Variants in ANGPT1 observed in about 807,000 individuals in gnomAD.
ANGPT1 encodes angiopoietin-1.
A neutral mutation model predicts 62.2 loss-of-function variants in ANGPT1; 17 were observed. The observed-to-expected ratio is 0.27, with a 90% confidence interval of 0.19 to 0.41. The LOEUF is 0.41. ANGPT1 is among the 10% of genes least tolerant of loss of function. ANGPT1 has a pLI of 1.00. For missense variants in ANGPT1, 478 were observed against 594.9 expected (o/e 0.80, Z 2.04); for synonymous variants, 199 against 198.9 (o/e 1.00, Z 0.00).
chr8:107,472,855 G>A (rs1812399293), intron 1 of ANGPT1, among the ~76,000 whole-genome samples: 2 of 151,924 alleles, frequency 1.3e-5, no homozygotes, highest in Non-Finnish European at 2.9e-5. Context: ...CAGGAAGCAT[G>A]GCAGAGTGTG....
At chr8:107,360,592 A>G (rs1816141709) in intron 1 of ANGPT1, among the ~76,000 whole-genome samples, 1 of 152,120 alleles carries the variant, frequency 6.6e-6, no homozygotes, top group Admixed American at 6.6e-5. Flanking sequence ...CAAGCCTTTA[A>G]CAAGAGTATG....
In ANGPT1 at chr8:107,336,238, G is replaced by C. The variant is rs998263721; in HGVS notation, c.487C>G (p.Leu163Val). The change falls in exon 3 of 9, where the codon CTG becomes GTG. Residue 163 changes from leucine to valine, a missense_variant. Coordinates refer to ENST00000517746, the MANE Select transcript of ANGPT1 (RefSeq NM_001146.5). ...TAGGTGGATAATGAATTCTCCAGCA[G>C]CTGTATCTCAAGTCGAGAAGTTTGA... ...LNQTSRLEIQ[L>V]LENSLSTYKL... 2 of 1,606,516 alleles carry C rather than the reference G, an allele frequency of 1.2e-6. No individual in the cohort carries two copies. The highest frequency in any genetic ancestry group is 8.5e-7 in the Non-Finnish European group (1 of 1,177,470).
intron 1 of ANGPT1, among the ~76,000 whole-genome samples, chr8:107,377,572 T>G (rs747315680): frequency 2.6e-5 from 4 of 152,144 alleles, no homozygotes; most frequent in Non-Finnish European, 5.9e-5. Context: ...TATTTTGATG[T>G]TTGGAGAAGT....
At chr8:107,389,773 C>G (rs1198280261) in intron 1 of ANGPT1, among the ~76,000 whole-genome samples, 1 of 152,056 alleles carries the variant, frequency 6.6e-6, no homozygotes, top group Non-Finnish European at 1.5e-5. Context: ...ATATGTATAG[C>G]ACAGAGTAAA....
chr8:107,315,069 T>C (rs1012730124), intron 4 of ANGPT1, among the ~76,000 whole-genome samples: 4 of 152,144 alleles, frequency 2.6e-5, no homozygotes, highest in African/African-American at 9.7e-5. Flanking sequence ...AGAAAGCAAA[T>C]GCCTCATTTC....
At chr8:107,301,163 T>G (rs1029621492) in intron 5 of ANGPT1, among the ~76,000 whole-genome samples, 1 of 151,988 alleles carries the variant, frequency 6.6e-6, no homozygotes, top group African/African-American at 2.4e-5. Context: ...GTCAAAAAAA[T>G]TCTAAAATTG....
intron 1 of ANGPT1, among the ~76,000 whole-genome samples, chr8:107,387,735 G>A (rs1816758571): frequency 2.6e-5 from 4 of 151,966 alleles, no homozygotes; most frequent in Admixed American, 2.6e-4. Context: ...GATTCTGGCT[G>A]TGCATGCTAT....
chr8:107,337,525 C>T lies in ANGPT1; in HGVS notation c.454-1254G>A, dbSNP rs564218156. On this transcript the variant is annotated intron_variant, in intron 2 of 8. Coordinates refer to ENST00000517746, the MANE Select transcript of ANGPT1 (RefSeq NM_001146.5). ...AATTGTGTCAATGCCCTGTTCCTGA[C>T]TCTTTCTTGTCCTTCCCTCTCTTTA... 1.2e-4 allele frequency among the ~76,000 whole-genome samples: 18 copies of T among 152,336 alleles called. No homozygotes were observed. In the South Asian group the frequency reaches 3.5e-3, roughly 30 times the overall value.
intron 5 of ANGPT1, among the ~76,000 whole-genome samples, chr8:107,296,150 A>G (rs983150081): frequency 1.3e-5 from 2 of 152,160 alleles, no homozygotes; most frequent in Admixed American, 6.6e-5. Flanking sequence ...AATTACTTAA[A>G]TAAGTAAAGA....
At chr8:107,326,149 C>T (rs374023906) in intron 3 of ANGPT1, among the ~76,000 whole-genome samples, 1 of 152,072 alleles carries the variant, frequency 6.6e-6, no homozygotes, top group Admixed American at 6.6e-5. Context: ...TTAGAATAGA[C>T]AGTGCATGTA....
At chr8:107,424,277 A>G (rs1163915051) in intron 1 of ANGPT1, among the ~76,000 whole-genome samples, 1 of 152,192 alleles carries the variant, frequency 6.6e-6, no homozygotes, top group Non-Finnish European at 1.5e-5. Context: ...AGACAATTGG[A>G]AATTCAAATC....
intron 3 of ANGPT1, among the ~76,000 whole-genome samples, chr8:107,324,449 G>A (rs576425882): frequency 2.3e-3 from 356 of 152,180 alleles, no homozygotes; most frequent in South Asian, 0.012. Flanking sequence ...GCTGCCTCAA[G>A]CCAAGGAACT....
intron 1 of ANGPT1, among the ~76,000 whole-genome samples, chr8:107,365,118 C>T (rs1280881586): frequency 2.0e-5 from 3 of 152,048 alleles, no homozygotes; most frequent in Non-Finnish European, 1.5e-5. Flanking sequence ...ATATTGCAAG[C>T]ATTTAAGGTT....
chr8:107,310,079 A>G (rs75809006), intron 4 of ANGPT1, among the ~76,000 whole-genome samples: 5,638 of 152,220 alleles, frequency 0.037, 123 homozygotes, highest in Non-Finnish European at 0.059. Flanking sequence ...TAAATTATTT[A>G]TATGTAATTT....
chr8:107,322,220 G>A (rs993079714), intron 3 of ANGPT1, 92 bp from the exon 4 acceptor site: 8 of 914,790 alleles, frequency 8.7e-6, no homozygotes, highest in Non-Finnish European at 1.3e-5. Flanking sequence ...TATTTAAGAT[G>A]AGAAATTTTA....
At chr8:107,468,519 C>T (rs1251177985) in intron 1 of ANGPT1, among the ~76,000 whole-genome samples, 2 of 151,860 alleles carry the variant, frequency 1.3e-5, no homozygotes, top group Admixed American at 1.3e-4. Context: ...TTTTTTAAGG[C>T]AATTTTATAT....
intron 1 of ANGPT1, among the ~76,000 whole-genome samples, chr8:107,492,557 G>A (rs751916146): frequency 9.9e-5 from 15 of 152,114 alleles, no homozygotes; most frequent in East Asian, 1.9e-4. Flanking sequence ...GGCTGGTCTC[G>A]AACTCTTCAC....
intron 1 of ANGPT1, among the ~76,000 whole-genome samples, chr8:107,496,564 T>A (rs1813103324): frequency 6.6e-6 from 1 of 152,308 alleles, no homozygotes; most frequent in South Asian, 2.1e-4. Flanking sequence ...TATCTGCAGG[T>A]GCATGTCTTC....
chr8:107,414,536 T>C (rs1283680), intron 1 of ANGPT1, among the ~76,000 whole-genome samples: 107,196 of 151,994 alleles, frequency 0.71, 39,848 homozygotes, highest in East Asian at 0.84. Context: ...GAAAATGTAA[T>C]TTTTTGTGTT....
Sources: gnomAD v4.1 joint callset for allele counts (sites outside exome capture counted in the v4.1 genomes callset) on GRCh38, gnomAD v4.1.1 for gene constraint, MANE v1.5 for transcripts, NCBI Gene and HGNC (gene_info 2026-07-23, HGNC 2026-07-21) for gene names.